Variants in NCAM2 observed in about 807,000 individuals in gnomAD.
NCAM2 encodes N-CAM-2.
A neutral mutation model predicts 98.1 loss-of-function variants in NCAM2; 30 were observed. The ratio of observed to expected loss-of-function variants is 0.31; its 90% CI spans 0.23 to 0.41. The LOEUF is 0.41. Ranked by LOEUF, NCAM2 falls within the 10% of genes least tolerant of loss-of-function variation. The pLI, the probability that NCAM2 is intolerant of heterozygous loss-of-function variation, is 1.00. For synonymous variants in NCAM2, 368 were observed against 342.4 expected (o/e 1.07, Z -0.83); for missense variants, 867 against 1,005.8 (o/e 0.86, Z 1.87).
chr21:21,498,614 A>G (rs1987414411), intron 15 of NCAM2, among the ~76,000 whole-genome samples: 1 of 152,186 alleles, frequency 6.6e-6, no homozygotes, highest in Admixed American at 6.5e-5. Flanking sequence ...CAGGGAGCTG[A>G]AAGATGTAAT....
intron 1 of NCAM2, among the ~76,000 whole-genome samples, chr21:21,211,007 CACACACACACACACACG>C (rs2069640746): frequency 2.0e-5 from 3 of 146,572 alleles, no homozygotes; most frequent in Non-Finnish European, 4.5e-5. Context: ...CACACACACA[CACACACACACACACACG>C]GGTTAGTATT....
At position 21,154,106 on chromosome 21, in the gene NCAM2, G is replaced by A. The variant is rs533033338; in HGVS notation, c.56-126472G>A. Among the ~76,000 whole-genome samples, 7 of 151,854 alleles carry A rather than the reference G, an allele frequency of 4.6e-5. No homozygotes were observed. In the East Asian group the frequency reaches 9.7e-4, roughly 21 times the overall value. On this transcript the variant is annotated intron_variant, in intron 1 of 17. Transcript: ENST00000400546. The stretch of plus-strand genomic sequence containing the variant: ...CATGTTCATGTATATTGTCTGTTTG[G>A]CACTTAAATTATGGGTTTCCACGAT...
At chr21:21,388,878 A>G (rs2076324052) in intron 9 of NCAM2, among the ~76,000 whole-genome samples, 1 of 152,174 alleles carries the variant, frequency 6.6e-6, no homozygotes, top group Non-Finnish European at 1.5e-5. Context: ...CAAAAAATAA[A>G]GGATATAAAA....
chr21:21,524,563 A>C (rs995766869), intron 16 of NCAM2, among the ~76,000 whole-genome samples: 1 of 152,052 alleles, frequency 6.6e-6, no homozygotes, highest in Non-Finnish European at 1.5e-5. Flanking sequence ...GAGAATACAA[A>C]GATAAAAAGA....
intron 9 of NCAM2, among the ~76,000 whole-genome samples, chr21:21,408,125 C>T (rs558676284): frequency 6.6e-6 from 1 of 152,184 alleles, no homozygotes; most frequent in Admixed American, 6.6e-5. Context: ...CAAATAGATG[C>T]TTCCATTGCC....
intron 1 of NCAM2, among the ~76,000 whole-genome samples, chr21:21,061,859 A>G (rs2065330149): frequency 6.6e-6 from 1 of 152,060 alleles, no homozygotes; most frequent in South Asian, 2.1e-4. Flanking sequence ...CAGTGTTGTG[A>G]TTTTCAATCA....
intron 1 of NCAM2, among the ~76,000 whole-genome samples, chr21:21,279,486 G>A (rs1186638759): frequency 2.0e-5 from 3 of 152,140 alleles, no homozygotes; most frequent in African/African-American, 7.2e-5. Context: ...AGGCTCCCGA[G>A]TAGCTGGGAT....
intron 1 of NCAM2, among the ~76,000 whole-genome samples, chr21:21,146,757 C>T (rs1048684422): frequency 2.0e-5 from 3 of 152,058 alleles, no homozygotes; most frequent in Admixed American, 1.3e-4. Context: ...TTTAAATTTT[C>T]CTTGGATAAC....
intron 1 of NCAM2, among the ~76,000 whole-genome samples, chr21:21,127,290 C>T (rs1040308909): frequency 6.6e-6 from 1 of 151,734 alleles, no homozygotes; most frequent in African/African-American, 2.4e-5. Flanking sequence ...TGAAATGGAA[C>T]ATTTGCAAGT....
intron 1 of NCAM2, among the ~76,000 whole-genome samples, chr21:21,120,534 T>G (rs946484640): frequency 6.6e-6 from 1 of 152,070 alleles, no homozygotes; most frequent in Admixed American, 6.5e-5. Context: ...GGTGACTGAT[T>G]AAGCCTGCGT....
Position 21,468,945 on chromosome 21 carries a change from T to A in NCAM2, c.1896+162T>A, listed in dbSNP as rs1316667032. ...GACAGTCATCATTGTGATTTTTTTTTATTTTTTTTGTAAAATCTAAGCATG... is the reference window on the plus strand; with the variant it reads ...GACAGTCATCATTGTGATTTTTTTTAATTTTTTTTGTAAAATCTAAGCATG... On this transcript the variant is annotated intron_variant, in intron 14 of 17. Coordinates refer to ENST00000400546, the MANE Select transcript of NCAM2 (RefSeq NM_004540.5). Among the ~76,000 whole-genome samples, 15 of 152,156 alleles carry A rather than the reference T, an allele frequency of 9.9e-5. 1 individual carries two copies. The highest frequency in any genetic ancestry group is 6.2e-4 in the South Asian group (3 of 4,828).
chr21:21,041,809 CAG>C lies in NCAM2; in HGVS notation c.55+43192_55+43193del, dbSNP rs557574098. ...ATTCACAAACACTTGTCCTGAAAGA[CAG>C]GGGATAGATGATTATTCTGATCTTG... On this transcript the variant is annotated intron_variant, in intron 1 of 17. Coordinates refer to ENST00000400546, the MANE Select transcript of NCAM2 (RefSeq NM_004540.5). Among the ~76,000 whole-genome samples the C allele has an allele frequency of 2.9e-3, 440 of 152,210 alleles. 1 individual carries two copies. The highest frequency in any genetic ancestry group is 4.7e-3 in the Non-Finnish European group (318 of 68,006).
rs572342358 is a variant in NCAM2, at chr21:21,430,851, T to C, written c.1481-1257T>C. 1.8e-4 allele frequency among the ~76,000 whole-genome samples: 28 copies of C among 151,608 alleles called. No individual in the cohort carries two copies. In the East Asian group the frequency reaches 4.9e-3, roughly 26 times the overall value. ...TCACGAGGTTAAAAGATTGAGACCATCCTGGCCAACATGGTGAAACCCTAT... is the reference window on the plus strand; with the variant it reads ...TCACGAGGTTAAAAGATTGAGACCACCCTGGCCAACATGGTGAAACCCTAT... On this transcript the variant is annotated intron_variant, in intron 11 of 17. Transcript: ENST00000400546.
At chr21:21,087,185 A>G (rs533830397) in intron 1 of NCAM2, among the ~76,000 whole-genome samples, 1 of 152,156 alleles carries the variant, frequency 6.6e-6, no homozygotes, top group East Asian at 1.9e-4. Flanking sequence ...AGTCAAAGAT[A>G]ATCTCCACAT....
At chr21:21,314,827 G>A (rs1044066784) in intron 5 of NCAM2, among the ~76,000 whole-genome samples, 6 of 151,962 alleles carry the variant, frequency 3.9e-5, no homozygotes, top group African/African-American at 1.2e-4. Flanking sequence ...AAAATATATC[G>A]TATGTCTTTG....
chr21:21,089,247 T>C (rs1247682025), intron 1 of NCAM2, among the ~76,000 whole-genome samples: 26 of 152,198 alleles, frequency 1.7e-4, no homozygotes. Flanking sequence ...CAGTTATTGC[T>C]AGTAAATAAA....
At chr21:21,496,864 T>G (rs891868531) in intron 15 of NCAM2, among the ~76,000 whole-genome samples, 1 of 152,094 alleles carries the variant, frequency 6.6e-6, no homozygotes, top group Admixed American at 6.6e-5. Context: ...ATATACTGAA[T>G]AGAGAGTTAT....
chr21:21,331,515 CTCT>C (rs1257301847), intron 6 of NCAM2, among the ~76,000 whole-genome samples: 5 of 4,796 alleles, frequency 1.0e-3, no homozygotes, highest in East Asian at 6.8e-3. Flanking sequence ...TACTCTCTCT[CTCT>C]ATATATATAT....
intron 1 of NCAM2, among the ~76,000 whole-genome samples, chr21:21,095,937 A>C (rs976724366): frequency 6.6e-6 from 1 of 151,182 alleles, no homozygotes; most frequent in African/African-American, 2.4e-5. Flanking sequence ...TTTTAAGTGA[A>C]TTGCGAATGA....
Sources: allele counts gnomAD v4.1 joint callset (sites outside exome capture counted in the v4.1 genomes callset), GRCh38; gene constraint gnomAD v4.1.1; transcripts MANE v1.5; gene names NCBI Gene and HGNC (gene_info 2026-07-23, HGNC 2026-07-21).